The following DHRS7C variants were observed in gnomAD, a reference collection of about 807,000 sequenced individuals.
DHRS7C encodes the protein dehydrogenase/reductase 7C, also known as dehydrogenase/reductase SDR family member 7C.
A neutral mutation model predicts 29.6 loss-of-function variants in DHRS7C; 28 were observed. The ratio of observed to expected loss-of-function variants is 0.95; its 90% CI spans 0.70 to 1.30. The LOEUF (loss-of-function observed/expected upper bound fraction) is 1.30, where lower values mean the gene tolerates loss of function less well. Among genes scored for constraint, DHRS7C ranks in the 50% most tolerant of loss-of-function variants. The pLI is 0.00. For missense variants in DHRS7C, 403 were observed against 393.3 expected (o/e 1.02, Z -0.21); for synonymous variants, 158 against 160.2 (o/e 0.99, Z 0.10).
chr17:9,784,822 G>A (rs2066414013), intron 1 of DHRS7C, among the ~76,000 whole-genome samples: 1 of 152,154 alleles, frequency 6.6e-6, no homozygotes, highest in Non-Finnish European at 1.5e-5. Context: ...CCACATTCTT[G>A]GCCACTGTGA....
rs542488006 is a variant in DHRS7C, at chr17:9,787,898, C to T, written c.154+3233G>A. ...AAGTTTTACATTTTCTGTAGATATG[C>T]GGGGGTCTTACTATGTTGCCCAGGC... On this transcript the variant is annotated intron_variant, in intron 1 of 5. Transcript: ENST00000571134. 8.7e-4 allele frequency among the ~76,000 whole-genome samples: 133 copies of T among 152,072 alleles called. 3 individuals carry two copies. In the South Asian group the frequency reaches 0.027, roughly 30 times the overall value.
intron 1 of DHRS7C, among the ~76,000 whole-genome samples, chr17:9,787,976 T>G (rs1384295218): frequency 6.6e-6 from 1 of 151,838 alleles, no homozygotes; most frequent in Non-Finnish European, 1.5e-5. Flanking sequence ...CTCCCAAAAG[T>G]GTTGGGATTA....
Position 9,779,912 on chromosome 17 carries a change from C to T in DHRS7C, c.391G>A (p.Val131Met). The T allele has an allele frequency of 6.2e-7, 1 of 1,613,904 alleles. No homozygotes were observed. The highest frequency in any genetic ancestry group is 8.5e-7 in the Non-Finnish European group (1 of 1,179,870). The stretch of plus-strand genomic sequence containing the variant: ...GAAATCTTATGGGCAGGCCCCTTCA[C>T]CTTCACACTGGCATTGTTGATGAGG... ...DILINNASVK[V>M]KGPAHKISLE... The change falls in exon 3 of 6, where the codon GTG becomes ATG. Residue 131 changes from valine (V) to methionine (M), a missense_variant. Coordinates refer to ENST00000571134, the MANE Select transcript of DHRS7C (RefSeq NM_001105571.3).
chr17:9,772,074 C>A (rs536079196), intron 5 of DHRS7C, among the ~76,000 whole-genome samples: 1 of 152,248 alleles, frequency 6.6e-6, no homozygotes, highest in South Asian at 2.1e-4. Flanking sequence ...GGTCTGCCCC[C>A]CATCTTGGAT....
chr17:9,772,928 A>C lies in DHRS7C; in HGVS notation c.572-6T>G, dbSNP rs569810291. The C allele has an allele frequency of 3.3e-5, 53 of 1,613,288 alleles. No individual in the cohort carries two copies. In the African/African-American group the frequency reaches 6.1e-4, roughly 19 times the overall value. Reference sequence around the variant, plus strand: ...TGCGTGCTTGGAGGCAGCGTCTGCGAGACAAACCATCCGGAGGTGGGCGCA... The same window carrying C: ...TGCGTGCTTGGAGGCAGCGTCTGCGCGACAAACCATCCGGAGGTGGGCGCA... On this transcript the variant is annotated splice_region_variant and splice_polypyrimidine_tract_variant and intron_variant, in intron 4 of 5. Transcript: ENST00000571134.
chr17:9,782,596 G>A (rs1005546289), intron 1 of DHRS7C, among the ~76,000 whole-genome samples: 6 of 152,218 alleles, frequency 3.9e-5, no homozygotes, highest in Non-Finnish European at 5.9e-5. Flanking sequence ...CTCCTAGGTA[G>A]GGCAGCGTCC....
chr17:9,784,388 C>T (rs895774226), intron 1 of DHRS7C, among the ~76,000 whole-genome samples: 2 of 152,044 alleles, frequency 1.3e-5, no homozygotes, highest in African/African-American at 2.4e-5. Flanking sequence ...AGGTGAATGG[C>T]GTGAACCCAG....
At chr17:9,791,034 A>G (rs2066451719) in intron 1 of DHRS7C, 97 bp downstream of exon 1, 9 of 1,421,272 alleles carry the variant, frequency 6.3e-6, no homozygotes, top group Non-Finnish European at 7.5e-6. Flanking sequence ...CCCACCGAGC[A>G]GGTTTGCCCA....
intron 1 of DHRS7C, among the ~76,000 whole-genome samples, chr17:9,783,936 GT>G (rs11409360): frequency 0.27 from 38,927 of 145,748 alleles, 5,085 homozygotes; most frequent in East Asian, 0.39. Flanking sequence ...GTGAGACTCT[GT>G]TTTTTTTTTG....
In DHRS7C at chr17:9,791,117, C is replaced by G; in HGVS notation, c.154+14G>C. On this transcript the variant is annotated intron_variant, in intron 1 of 5. Transcript: ENST00000571134. ...GGGCAGAAATGGGCACAGGTGGGAG[C>G]AAAGCCAGCTTACCCTTGCCCAGTC... 2 of 1,605,884 alleles carry G rather than the reference C, an allele frequency of 1.2e-6. No individual in the cohort carries two copies. The highest frequency in any genetic ancestry group is 1.7e-6 in the Non-Finnish European group (2 of 1,175,714).
Position 9,772,631 on chromosome 17 carries a change from G to A in DHRS7C, c.727+136C>T, listed in dbSNP as rs115599506. On this transcript the variant is annotated intron_variant, in intron 5 of 5. Coordinates refer to ENST00000571134, the MANE Select transcript of DHRS7C (RefSeq NM_001105571.3). ...TTTGGGGGCCCCGCCCTGCTGTTGG[G>A]GGTTGCTGAGCCTCCTCCACCCCCA... 284 of 1,179,642 alleles carry A rather than the reference G, an allele frequency of 2.4e-4. 1 individual carries two copies. In the African/African-American group the frequency reaches 4.1e-3, roughly 17 times the overall value. The allele number at this position is 1,179,642 out of a possible 1,614,324, so 73.1% of individuals were successfully genotyped here.
Position 9,771,770 on chromosome 17 carries a change from CA to C in DHRS7C, c.728-75del. The C allele has an allele frequency of 2.3e-6, 3 of 1,291,868 alleles. No homozygotes were observed. In the South Asian group the frequency reaches 7.0e-5, roughly 30 times the overall value. 80.0% of individuals were successfully genotyped at this position (1,291,868 alleles called of 1,614,324 possible). ...GGCTGGTCAGAGCCCTGCACATGCA[CA>C]AAGGCTGAGGGGCGGGAAGCGTGGG... On this transcript the variant is annotated intron_variant, in intron 5 of 5. Transcript: ENST00000571134.
rs1446622645 is a variant in DHRS7C, at chr17:9,771,651, G to A, written c.773C>T (p.Ala258Val). ...CCGCACGGTGCGCATCACCTCCTCC[G>A]CCACCTCTACTGGGTGCACGCCGTA... is the stretch of plus-strand genomic sequence containing the variant. ...LTYGVHPVEV[A>V]EEVMRTVRRK... Residue 258 changes from alanine (A) to valine (V), a missense_variant, in exon 6 of 6, where the codon GCG becomes GTG. Coordinates refer to ENST00000571134, the MANE Select transcript of DHRS7C (RefSeq NM_001105571.3). The A allele has an allele frequency of 5.7e-6, 9 of 1,584,108 alleles. No individual in the cohort carries two copies. Among genetic ancestry groups the A allele is most frequent in the Middle Eastern group, 1.7e-4 (1 of 5,982 alleles).
chr17:9,773,750 C>G (rs1597922887), intron 4 of DHRS7C, among the ~76,000 whole-genome samples: 1 of 98,442 alleles, frequency 1.0e-5, no homozygotes, highest in Non-Finnish European at 2.0e-5. Flanking sequence ...TTTGAGACGG[C>G]GTCTCACTCT....
intron 4 of DHRS7C, among the ~76,000 whole-genome samples, chr17:9,773,793 C>T (rs773166811): frequency 2.2e-5 from 3 of 139,188 alleles, no homozygotes; most frequent in Admixed American, 1.6e-4. Context: ...GGTGCGATCT[C>T]GGCTCACTGC....
chr17:9,787,427 G>A (rs1470167785), intron 1 of DHRS7C, among the ~76,000 whole-genome samples: 1 of 152,220 alleles, frequency 6.6e-6, no homozygotes, highest in Non-Finnish European at 1.5e-5. Context: ...CTGGAGCCCA[G>A]TGGCGTGCTC....
In DHRS7C at chr17:9,772,854, C is replaced by G. The variant is rs766447290; in HGVS notation, c.640G>C (p.Val214Leu). The change falls in exon 5 of 6, where the codon GTT becomes CTT. Residue 214 changes from valine to leucine, a missense_variant. By Grantham distance (32) the Val-to-Leu change is conservative (BLOSUM62 1). Coordinates refer to ENST00000571134, the MANE Select transcript of DHRS7C (RefSeq NM_001105571.3). ...CLRAEVEEYD[V>L]VISTVSPTFI... ...GTCGGGCTCACGGTGCTGATGACAA[C>G]ATCGTATTCCTCCACTTCGGCTCGG... 1 of 1,613,806 alleles carries G rather than the reference C, an allele frequency of 6.2e-7. No homozygotes were observed. Among genetic ancestry groups the G allele is most frequent in the Non-Finnish European group, 8.5e-7 (1 of 1,179,890 alleles).
intron 4 of DHRS7C, 37 bp from the exon 5 acceptor site, chr17:9,772,959 C>T: frequency 6.2e-7 from 1 of 1,605,590 alleles, no homozygotes; most frequent in Non-Finnish European, 8.5e-7. Context: ...GCGCAGGACA[C>T]TCCCGGCCCT....
At chr17:9,778,172 A>C (rs1208083256) in intron 3 of DHRS7C, among the ~76,000 whole-genome samples, 2 of 152,124 alleles carry the variant, frequency 1.3e-5, no homozygotes, top group Non-Finnish European at 2.9e-5. Context: ...CGGGTGGATA[A>C]CGAGGTCAGG....
Sources: gnomAD v4.1 joint callset for allele counts (sites outside exome capture counted in the v4.1 genomes callset) on GRCh38, gnomAD v4.1.1 for gene constraint, MANE v1.5 for transcripts, NCBI Gene and HGNC (gene_info 2026-07-23, HGNC 2026-07-21) for gene names.